The following ANO3 variants were observed in gnomAD, a reference collection of about 807,000 sequenced individuals.
ANO3 encodes anoctamin 3.
ANO3 carries 99 observed loss-of-function variants against 144.8 expected under a neutral mutation model. The ratio of observed to expected loss-of-function variants is 0.68; its 90% CI spans 0.58 to 0.81. The LOEUF is 0.81. Ranked by LOEUF, ANO3 falls within the 30% of genes least tolerant of loss-of-function variation. The probability of loss-of-function intolerance (pLI) is 0.00; values close to 1 mark genes in which losing one functional copy is unlikely to be tolerated. For synonymous variants in ANO3, 414 were observed against 392.6 expected (o/e 1.05, Z -0.64); for missense variants, 905 against 1,202.2 (o/e 0.75, Z 3.66).
chr11:26,220,521 TAC>T (rs71447455), intron 1 of ANO3, among the ~76,000 whole-genome samples: 45,429 of 152,092 alleles, frequency 0.3, 7,582 homozygotes, highest in Non-Finnish European at 0.37. Context: ...TCTCACTTCT[TAC>T]AGTTAGGCTA....
At chr11:26,425,916 T>C (rs1590348768) in intron 1 of ANO3, among the ~76,000 whole-genome samples, 1 of 152,112 alleles carries the variant, frequency 6.6e-6, no homozygotes, top group Non-Finnish European at 1.5e-5. Flanking sequence ...TTGGTGGCTT[T>C]AGAATTAGAA....
chr11:26,351,863 T>C (rs543443527), intron 1 of ANO3, among the ~76,000 whole-genome samples: 1 of 152,298 alleles, frequency 6.6e-6, no homozygotes, highest in South Asian at 2.1e-4. Context: ...GATCCTAGTT[T>C]GACCGCACTA....
chr11:26,381,630 G>A (rs147782257), intron 1 of ANO3, among the ~76,000 whole-genome samples: 1 of 152,276 alleles, frequency 6.6e-6, no homozygotes, highest in East Asian at 1.9e-4. Flanking sequence ...GGCATATAAT[G>A]TTTGTTGACT....
intron 1 of ANO3, among the ~76,000 whole-genome samples, chr11:26,385,899 A>C (rs1856716390): frequency 6.6e-6 from 1 of 151,088 alleles, no homozygotes; most frequent in African/African-American, 2.5e-5. Context: ...GTGTGTATAT[A>C]TATTTATATA....
chr11:26,559,806 TCC>T, intron 14 of ANO3, 27 bp downstream of exon 14: 1 of 1,490,352 alleles, frequency 6.7e-7, no homozygotes, highest in East Asian at 2.3e-5. Flanking sequence ...TTACTTTCTA[TCC>T]CTTATTTTCT....
chr11:26,486,143 A>G (rs1860437393), intron 4 of ANO3, among the ~76,000 whole-genome samples: 1 of 152,130 alleles, frequency 6.6e-6, no homozygotes, highest in Admixed American at 6.5e-5. Context: ...GCAGGTGATC[A>G]TGAGGTCAGG....
chr11:26,264,177 G>A (rs192674349), intron 1 of ANO3, among the ~76,000 whole-genome samples: 73 of 152,334 alleles, frequency 4.8e-4, no homozygotes, highest in African/African-American at 1.7e-3. Flanking sequence ...ATACATCTCC[G>A]TAGATTTTGA....
At chr11:26,635,210 A>G (rs1308519843) in intron 20 of ANO3, 140 bp downstream of exon 20, 3 of 643,722 alleles carry the variant, frequency 4.7e-6, no homozygotes, top group Non-Finnish European at 7.6e-6. Context: ...AAAGGAAGCA[A>G]CTACATCTTT....
chr11:26,243,169 A>T (rs910723328), intron 1 of ANO3, among the ~76,000 whole-genome samples: 1 of 152,148 alleles, frequency 6.6e-6, no homozygotes, highest in Non-Finnish European at 1.5e-5. Flanking sequence ...TCTCTAAGCT[A>T]AAAAACAATA....
chr11:26,265,857 A>T (rs1211160703), intron 1 of ANO3, among the ~76,000 whole-genome samples: 2 of 152,200 alleles, frequency 1.3e-5, no homozygotes, highest in African/African-American at 4.8e-5. Flanking sequence ...TAAGTCTAAA[A>T]ATCCTAGAAG....
At chr11:26,647,613 C>A in intron 23 of ANO3, 96 bp from the exon 24 acceptor site, 1 of 1,195,280 alleles carries the variant, frequency 8.4e-7, no homozygotes, top group South Asian at 1.6e-5. Flanking sequence ...AGCTGTGGTT[C>A]CAACATAAGT....
At chr11:26,264,682 T>C (rs1449028402) in intron 1 of ANO3, among the ~76,000 whole-genome samples, 1 of 152,150 alleles carries the variant, frequency 6.6e-6, no homozygotes, top group Non-Finnish European at 1.5e-5. Context: ...CATGGTAACC[T>C]CAGGGTTAGT....
chr11:26,254,442 C>T (rs1352601257), intron 1 of ANO3, among the ~76,000 whole-genome samples: 2 of 151,926 alleles, frequency 1.3e-5, no homozygotes, highest in Admixed American at 1.3e-4. Context: ...AATTACAATC[C>T]CTTTCTATAT....
At chr11:26,502,401 A>G (rs1274726623) in intron 4 of ANO3, among the ~76,000 whole-genome samples, 2 of 152,188 alleles carry the variant, frequency 1.3e-5, no homozygotes, top group Non-Finnish European at 1.5e-5. Flanking sequence ...GTGAAGTTAA[A>G]TGCCTAAGAA....
chr11:26,642,343 T>C (rs1853186355), intron 22 of ANO3, among the ~76,000 whole-genome samples: 1 of 10,602 alleles, frequency 9.4e-5, no homozygotes, highest in African/African-American at 1.8e-4. Context: ...TCTTTCTTTC[T>C]TTTTTTTTTT....
chr11:26,469,943 G>C (rs1159647619), intron 4 of ANO3, among the ~76,000 whole-genome samples: 3 of 151,868 alleles, frequency 2.0e-5, no homozygotes, highest in Non-Finnish European at 4.4e-5. Flanking sequence ...ATTAGGTTTT[G>C]TTGTACTTTT....
intron 1 of ANO3, among the ~76,000 whole-genome samples, chr11:26,423,381 C>G (rs964920652): frequency 6.4e-5 from 9 of 140,484 alleles, no homozygotes; most frequent in African/African-American, 2.3e-4. Flanking sequence ...ACAACCAATA[C>G]TGAATTAATG....
At chr11:26,547,291 G>A in intron 11 of ANO3, 125 bp from the exon 12 acceptor site, 1 of 882,630 alleles carries the variant, frequency 1.1e-6, no homozygotes, top group Non-Finnish European at 1.8e-6. Flanking sequence ...ACTTTAGATG[G>A]AGCTGAGGAG....
chr11:26,633,352 CA>C (rs919980084), intron 18 of ANO3, among the ~76,000 whole-genome samples: 2 of 152,000 alleles, frequency 1.3e-5, no homozygotes, highest in African/African-American at 4.8e-5. Context: ...AAACTGACTG[CA>C]AAAAAATAGT....
Sources: gnomAD v4.1 joint callset for allele counts (sites outside exome capture counted in the v4.1 genomes callset) on GRCh38, gnomAD v4.1.1 for gene constraint, MANE v1.5 for transcripts, NCBI Gene and HGNC (gene_info 2026-07-23, HGNC 2026-07-21) for gene names.